The following ERC2 variants were observed in gnomAD, a reference collection of about 807,000 sequenced individuals.
ERC2 encodes the protein ELKS/RAB6-interacting/CAST family member 2.
ERC2 carries 42 observed loss-of-function variants against 114.8 expected under a neutral mutation model. The observed-to-expected ratio is 0.37, with a 90% CI of 0.29 to 0.47. ERC2 has a LOEUF of 0.47. Ranked by LOEUF, ERC2 falls within the 20% of genes least tolerant of loss-of-function variation. The probability of loss-of-function intolerance (pLI) is 0.99; values close to 1 mark genes in which losing one functional copy is unlikely to be tolerated. For missense variants in ERC2, 939 were observed against 1,150.7 expected (o/e 0.82, Z 2.66); for synonymous variants, 454 against 425.5 (o/e 1.07, Z -0.82).
At chr3:55,703,031 T>C (rs1163533125) in intron 15 of ERC2, among the ~76,000 whole-genome samples, 1 of 152,212 alleles carries the variant, frequency 6.6e-6, no homozygotes, top group Non-Finnish European at 1.5e-5. Flanking sequence ...ACGTCATGAC[T>C]GTGGAGACAA....
At chr3:56,116,446 C>T (rs2079240293) in intron 6 of ERC2, among the ~76,000 whole-genome samples, 1 of 152,210 alleles carries the variant, frequency 6.6e-6, no homozygotes, top group Admixed American at 6.5e-5. Context: ...GCCTTTACAT[C>T]TTCCTGCAGG....
At chr3:55,888,695 T>C in intron 13 of ERC2, 146 bp from the exon 14 acceptor site, 1 of 962,380 alleles carries the variant, frequency 1.0e-6, no homozygotes, top group Non-Finnish European at 1.6e-6. Flanking sequence ...CTTTCTTTCT[T>C]TGTCATTGAA....
At position 56,327,673 on chromosome 3, in the gene ERC2, C is replaced by T. The variant is rs537417260; in HGVS notation, c.658-31238G>A. ...TCTGGATAACAGAGCAAGACTCCAT[C>T]TCAATCAATCAATCAATCAATATCA... On this transcript the variant is annotated intron_variant, in intron 2 of 17. Transcript: ENST00000288221. Among the ~76,000 whole-genome samples the T allele has an allele frequency of 3.1e-4, 47 of 152,220 alleles. No homozygotes were observed. In the South Asian group the frequency reaches 9.5e-3, roughly 31 times the overall value.
chr3:56,028,172 A>G (rs963532044), intron 7 of ERC2, among the ~76,000 whole-genome samples: 2 of 152,140 alleles, frequency 1.3e-5, no homozygotes, highest in Non-Finnish European at 2.9e-5. Flanking sequence ...TCTATCCTTC[A>G]ATAATATCAC....
chr3:56,255,453 C>A (rs942441416), intron 3 of ERC2, among the ~76,000 whole-genome samples: 1 of 152,216 alleles, frequency 6.6e-6, no homozygotes, highest in Non-Finnish European at 1.5e-5. Context: ...TCCTATAAGG[C>A]TGTCCTCAGC....
chr3:55,854,092 T>C (rs969693504), intron 14 of ERC2, among the ~76,000 whole-genome samples: 3 of 152,072 alleles, frequency 2.0e-5, no homozygotes, highest in Non-Finnish European at 4.4e-5. Context: ...CTGGCCAATA[T>C]GGTAAAAACC....
chr3:55,621,156 C>G (rs193071528), intron 17 of ERC2, among the ~76,000 whole-genome samples: 4 of 152,034 alleles, frequency 2.6e-5, no homozygotes, highest in African/African-American at 9.7e-5. Context: ...CTCTAACTGC[C>G]CCCCCTCCAG....
At chr3:56,023,994 C>G (rs898719001) in intron 7 of ERC2, among the ~76,000 whole-genome samples, 2 of 152,046 alleles carry the variant, frequency 1.3e-5, no homozygotes, top group African/African-American at 4.8e-5. Context: ...TCAAATATAC[C>G]CAAATGTATC....
At chr3:55,871,676 A>G (rs58792890) in intron 14 of ERC2, among the ~76,000 whole-genome samples, 257 of 152,326 alleles carry the variant, frequency 1.7e-3, no homozygotes, top group African/African-American at 5.9e-3. Flanking sequence ...AATTATGTCA[A>G]CCCTGGGACA....
intron 2 of ERC2, among the ~76,000 whole-genome samples, chr3:56,377,420 T>C (rs112381789): frequency 3.7e-4 from 56 of 152,340 alleles, no homozygotes; most frequent in Middle Eastern, 3.4e-3. Flanking sequence ...TTTACTTTCA[T>C]AATTTTATAA....
chr3:56,083,742 G>A (rs2077359920), intron 6 of ERC2, among the ~76,000 whole-genome samples: 1 of 151,610 alleles, frequency 6.6e-6, no homozygotes, highest in Non-Finnish European at 1.5e-5. Flanking sequence ...ATGAGGTATT[G>A]AGGTGATGAG....
At chr3:55,680,239 C>CA (rs1224439115) in intron 17 of ERC2, among the ~76,000 whole-genome samples, 2 of 152,176 alleles carry the variant, frequency 1.3e-5, no homozygotes, top group East Asian at 3.9e-4. Flanking sequence ...TGTTTTCAAT[C>CA]AAAAAAGACT....
chr3:55,539,401 CTCT>C (rs1469686196), intron 17 of ERC2, among the ~76,000 whole-genome samples: 3 of 102,724 alleles, frequency 2.9e-5, no homozygotes, highest in African/African-American at 5.9e-5. Context: ...CTCTCTCTCT[CTCT>C]TTTTTTCTTT....
chr3:56,026,675 G>A (rs896713970), intron 7 of ERC2, among the ~76,000 whole-genome samples: 5 of 152,140 alleles, frequency 3.3e-5, no homozygotes, highest in African/African-American at 1.2e-4. Flanking sequence ...AATACAAAGA[G>A]AGTCCTTTAT....
intron 16 of ERC2, among the ~76,000 whole-genome samples, chr3:55,694,090 C>T (rs1300333987): frequency 1.3e-5 from 2 of 152,176 alleles, no homozygotes; most frequent in Non-Finnish European, 2.9e-5. Context: ...GGAAAAAGCA[C>T]ATTTGCACTC....
chr3:55,592,664 CTA>C (rs1280914261), intron 17 of ERC2, among the ~76,000 whole-genome samples: 1 of 152,106 alleles, frequency 6.6e-6, no homozygotes, highest in Admixed American at 6.5e-5. Flanking sequence ...TGAGAAATGA[CTA>C]AATCATCTTG....
At chr3:55,526,758 G>C (rs570589289) in intron 17 of ERC2, among the ~76,000 whole-genome samples, 1 of 152,202 alleles carries the variant, frequency 6.6e-6, no homozygotes, top group Non-Finnish European at 1.5e-5. Flanking sequence ...ACTCGTCCCC[G>C]GGCCAGGGTC....
chr3:55,958,722 G>A (rs550753844), intron 12 of ERC2, among the ~76,000 whole-genome samples: 55 of 152,360 alleles, frequency 3.6e-4, no homozygotes, highest in African/African-American at 1.3e-3. Context: ...GAGCATGCGC[G>A]CACCTGGCCA....
intron 3 of ERC2, among the ~76,000 whole-genome samples, chr3:56,258,201 T>C (rs2052651894): frequency 6.6e-6 from 1 of 152,096 alleles, no homozygotes; most frequent in Non-Finnish European, 1.5e-5. Context: ...ACCAAGATGA[T>C]CTAGACTAGG....
Sources: gnomAD v4.1 joint callset for allele counts (sites outside exome capture counted in the v4.1 genomes callset) on GRCh38, gnomAD v4.1.1 for gene constraint, MANE v1.5 for transcripts, NCBI Gene and HGNC (gene_info 2026-07-23, HGNC 2026-07-21) for gene names.